STOML3: variants seen among roughly 807,000 people sequenced by gnomAD.
STOML3 encodes stomatin-like protein 3.
Under a neutral mutation model 29.5 loss-of-function variants are expected in STOML3, and 31 were observed. The observed-to-expected ratio is 1.05, with a 90% CI of 0.79 to 1.42. The LOEUF (loss-of-function observed/expected upper bound fraction) is 1.42, where lower values mean the gene tolerates loss of function less well. STOML3 is among the 40% of genes most tolerant of loss of function. The pLI is 0.00. For synonymous variants in STOML3, 122 were observed against 139.8 expected, an observed-to-expected ratio of 0.87 and a Z score of 0.90; for missense variants, 380 against 363.0, an observed-to-expected ratio of 1.05 and a Z score of -0.38.
intron 1 of STOML3, among the ~76,000 whole-genome samples, chr13:38,977,772 T>G (rs1476773717): frequency 7.1e-6 from 1 of 141,598 alleles, no homozygotes; most frequent in Non-Finnish European, 1.5e-5. Context: ...TTTTTTTTTT[T>G]TTTTTGAGAC....
At chr13:38,976,204 C>G (rs1458843402) in intron 3 of STOML3, among the ~76,000 whole-genome samples, 4 of 152,182 alleles carry the variant, frequency 2.6e-5, no homozygotes, top group African/African-American at 9.7e-5. Context: ...TGGCCATTTA[C>G]TTTGCCTCTT....
chr13:38,972,648 T>C (rs1880919607), intron 3 of STOML3, 54 bp from the exon 4 acceptor site: 1 of 1,504,662 alleles, frequency 6.6e-7, no homozygotes, highest in Non-Finnish European at 9.2e-7. Context: ...TAACTACAAG[T>C]AGTCTCATAG....
intron 1 of STOML3, among the ~76,000 whole-genome samples, chr13:38,989,643 T>C (rs1312056602): frequency 4.6e-5 from 7 of 151,978 alleles, no homozygotes; most frequent in Admixed American, 3.9e-4. Flanking sequence ...GCCACAGGCA[T>C]GTGCCACCAC....
chr13:38,979,520 A>G (rs1402888558), intron 1 of STOML3, among the ~76,000 whole-genome samples: 1 of 152,100 alleles, frequency 6.6e-6, no homozygotes, highest in Non-Finnish European at 1.5e-5. Flanking sequence ...TGATTTGTAA[A>G]TTTTATTTTG....
intron 1 of STOML3, among the ~76,000 whole-genome samples, chr13:38,984,027 C>A (rs11840611): frequency 0.27 from 41,754 of 152,008 alleles, 7,140 homozygotes; most frequent in African/African-American, 0.48. Flanking sequence ...CATCCCCCCC[C>A]ACAGCAGCTT....
chr13:38,987,533 C>T (rs1868631516), intron 1 of STOML3, among the ~76,000 whole-genome samples: 1 of 150,792 alleles, frequency 6.6e-6, no homozygotes, highest in Non-Finnish European at 1.5e-5. Flanking sequence ...CACACTCCCA[C>T]ATAATGTTCC....
intron 1 of STOML3, among the ~76,000 whole-genome samples, chr13:38,977,051 A>G (rs914099578): frequency 1.3e-5 from 2 of 152,364 alleles, no homozygotes; most frequent in Admixed American, 1.3e-4. Flanking sequence ...AATAATTATT[A>G]TTACATTTTA....
chr13:38,968,567 A>G (rs1331020372), intron 5 of STOML3, 33 bp from the exon 6 acceptor site: 1 of 1,612,378 alleles, frequency 6.2e-7, no homozygotes. Context: ...GACTAATAAG[A>G]AAGACAGGTG....
In STOML3 at chr13:38,990,768, G is replaced by A. The variant is rs753890642; in HGVS notation, c.-47C>T. 1.9e-6 allele frequency: 3 copies of A among 1,592,096 alleles called. No individual in the cohort carries two copies. The highest frequency in any genetic ancestry group is 2.6e-6 in the Non-Finnish European group (3 of 1,161,618). On this transcript the variant is annotated 5_prime_UTR_variant, in exon 1 of 7. Coordinates refer to ENST00000379631, the MANE Select transcript of STOML3 (RefSeq NM_145286.3). ...TACTTGGCAATTTTTCATGGGTTTG[G>A]AGCTAAGTGTGAAGAACAGGCAGCA...
chr13:38,989,464 G>A (rs1336080524), intron 1 of STOML3, among the ~76,000 whole-genome samples: 1 of 151,514 alleles, frequency 6.6e-6, no homozygotes, highest in Non-Finnish European at 1.5e-5. Context: ...TCAGGTAAAT[G>A]TCTCTAAATG....
rs1566204853 is a variant in STOML3 at position 38,973,107 on chromosome 13, A to AC, written c.230-514_230-513insG. The stretch of plus-strand genomic sequence containing the variant: ...AGCCCCGTCTCTACTAAAAAAAAAA[A>AC]AAAAAAAAAAAAAAAAAAAAAAAAA... On this transcript the variant is annotated intron_variant, in intron 3 of 6. Transcript: ENST00000379631. 4.8e-4 allele frequency among the ~76,000 whole-genome samples: 66 copies of AC among 138,504 alleles called. No homozygotes were observed. The South Asian group carries it at 5.7e-3, about 12-fold the overall frequency. 90.9% of individuals were successfully genotyped at this position (138,504 alleles called of 152,430 possible).
rs1366085295 is a variant in STOML3, at chr13:38,988,185, T to G, written c.52+2485A>C. ...TATATATAATATATTATATTTTATA[T>G]AAAATATATTATATTTCATATAAAA... On this transcript the variant is annotated intron_variant, in intron 1 of 6. Coordinates refer to ENST00000379631, the MANE Select transcript of STOML3 (RefSeq NM_145286.3). 5.3e-5 allele frequency among the ~76,000 whole-genome samples: 4 copies of G among 75,166 alleles called. 1 individual carries two copies. The highest frequency in any genetic ancestry group is 2.1e-4 in the Admixed American group (1 of 4,830). 49.3% of individuals were successfully genotyped at this position (75,166 alleles called of 152,430 possible). A position where few individuals can be genotyped will look rare whatever the true frequency, so the allele number is the denominator to read the frequency against.
intron 1 of STOML3, among the ~76,000 whole-genome samples, chr13:38,978,604 C>T (rs150077679): frequency 3.3e-4 from 50 of 152,288 alleles, no homozygotes; most frequent in Non-Finnish European, 5.9e-4. Context: ...ACCCTACAAA[C>T]GCCATATACT....
Position 38,966,269 on chromosome 13 carries a change from T to C in STOML3, c.*556A>G, listed in dbSNP as rs1880639303. On this transcript the variant is annotated 3_prime_UTR_variant, in exon 7 of 7. Coordinates refer to ENST00000379631, the MANE Select transcript of STOML3 (RefSeq NM_145286.3). The stretch of plus-strand genomic sequence containing the variant: ...ACCTGGACTGTGAGCTCATCGCAGT[T>C]TGCCTTGTGGCACGGGGGACATGTT... 2.0e-5 allele frequency: 3 copies of C among 152,560 alleles called. No homozygotes were observed. Among genetic ancestry groups the C allele is most frequent in the Admixed American group, 2.0e-4 (3 of 15,294 alleles). 9.5% of individuals were successfully genotyped at this position (152,560 alleles called of 1,614,324 possible).
chr13:38,988,964 T>C (rs1044781452), intron 1 of STOML3, among the ~76,000 whole-genome samples: 2 of 145,528 alleles, frequency 1.4e-5, no homozygotes, highest in African/African-American at 2.5e-5. Context: ...TATTACACAA[T>C]ATATTATATA....
chr13:38,977,786 G>C (rs1181377791), intron 1 of STOML3, among the ~76,000 whole-genome samples: 1 of 101,508 alleles, frequency 9.9e-6, no homozygotes, highest in Admixed American at 1.6e-4. Flanking sequence ...TTGAGACGGA[G>C]TCTCGCTCTG....
chr13:38,975,237 C>T (rs1205428279), intron 3 of STOML3, among the ~76,000 whole-genome samples: 1 of 151,586 alleles, frequency 6.6e-6, no homozygotes, highest in Non-Finnish European at 1.5e-5. Context: ...GAGAAAATCA[C>T]TTGAACCTGG....
At chr13:38,988,206 T>C (rs1191780287) in intron 1 of STOML3, among the ~76,000 whole-genome samples, 1 of 84,186 alleles carries the variant, frequency 1.2e-5, no homozygotes, top group Non-Finnish European at 1.9e-5. Flanking sequence ...ATATTTCATA[T>C]AAAATATATG....
intron 1 of STOML3, among the ~76,000 whole-genome samples, chr13:38,980,956 CCT>C (rs918843960): frequency 3.3e-5 from 5 of 152,132 alleles, no homozygotes; most frequent in African/African-American, 9.7e-5. Flanking sequence ...GAGACTTCCC[CCT>C]GTGTGTGGCT....
Sources: allele counts gnomAD v4.1 joint callset (sites outside exome capture counted in the v4.1 genomes callset), GRCh38; gene constraint gnomAD v4.1.1; transcripts MANE v1.5; gene names NCBI Gene and HGNC (gene_info 2026-07-23, HGNC 2026-07-21).